RNLS: variants seen among roughly 807,000 people sequenced by gnomAD.
The protein encoded by RNLS is renalase, FAD dependent amine oxidase, also known as renalase.
In RNLS, 39 loss-of-function variants were observed where a neutral mutation model predicts 39.8. That is an observed-to-expected ratio of 0.98 (90% CI 0.76 to 1.28). The LOEUF (loss-of-function observed/expected upper bound fraction) is 1.28. Among genes scored for constraint, RNLS ranks in the 50% most tolerant of loss-of-function variants. The pLI is 0.00. For synonymous variants in RNLS, 147 were observed against 150.7 expected, an observed-to-expected ratio of 0.98 and a Z score of 0.18; for missense variants, 410 against 413.3, an observed-to-expected ratio of 0.99 and a Z score of 0.07.
At chr10:88,243,831 T>G in the RNLS span, among the ~76,000 whole-genome samples, 3 of 152,230 alleles carry the variant, frequency 2.0e-5, no homozygotes, top group Non-Finnish European at 4.4e-5. Flanking sequence ...GAAAGTCATT[T>G]TGTTTCTCCT....
At chr10:88,473,910 C>T (rs186248557) in intron 4 of RNLS, among the ~76,000 whole-genome samples, 132 of 152,178 alleles carry the variant, frequency 8.7e-4, no homozygotes, top group African/African-American at 2.9e-3. Flanking sequence ...GTCTTTTCTG[C>T]TCCTGGTTGT....
intron 5 of RNLS, among the ~76,000 whole-genome samples, chr10:88,348,056 A>G (rs1848429659): frequency 6.6e-6 from 1 of 152,098 alleles, no homozygotes; most frequent in Non-Finnish European, 1.5e-5. Context: ...GGAGGTCTGA[A>G]AGACTGCGCC....
intron 4 of RNLS, among the ~76,000 whole-genome samples, chr10:88,508,386 T>C (rs566243997): frequency 3.3e-5 from 5 of 152,278 alleles, no homozygotes; most frequent in African/African-American, 1.2e-4. Flanking sequence ...TTTTCTACCA[T>C]GTGGATATGT....
rs542314911 is a variant in RNLS, at chr10:88,301,771, G to A, written c.876+12695C>T. ...TAATGACTAAGTGTCATAGTCCCTG[G>A]CATTGAATTGGTCCTATCCAGACTA... is the stretch of plus-strand genomic sequence containing the variant. On this transcript the variant is annotated intron_variant, in intron 6 of 6. Transcript: ENST00000331772. Among the ~76,000 whole-genome samples the A allele has an allele frequency of 2.5e-4, 38 of 152,224 alleles. 1 individual carries two copies. In the South Asian group the frequency reaches 5.6e-3, roughly 22 times the overall value.
Position 88,466,710 on chromosome 10 carries a change from T to C in RNLS, c.527-103985A>G, listed in dbSNP as rs182274577. Among the ~76,000 whole-genome samples the C allele has an allele frequency of 2.3e-3, 345 of 152,266 alleles. 1 individual carries two copies. The highest frequency in any genetic ancestry group is 4.4e-3 in the Non-Finnish European group (301 of 68,008). ...ATTGAGTTGTGACCCCAAAAGTGTA[T>C]TTTTTAAATTCAAAGAGTCCTCCAA... is the stretch of plus-strand genomic sequence containing the variant. On this transcript the variant is annotated intron_variant, in intron 4 of 6. Coordinates refer to ENST00000331772, the MANE Select transcript of RNLS (RefSeq NM_001031709.3).
intron 4 of RNLS, among the ~76,000 whole-genome samples, chr10:88,455,265 A>G (rs1026690563): frequency 2.6e-4 from 9 of 34,734 alleles, no homozygotes; most frequent in Non-Finnish European, 4.3e-4. Context: ...AAGTAAAGGG[A>G]AAAAAAAATC....
chr10:88,391,159 A>G (rs1020567949), intron 4 of RNLS, among the ~76,000 whole-genome samples: 10 of 152,308 alleles, frequency 6.6e-5, no homozygotes, highest in Non-Finnish European at 1.2e-4. Flanking sequence ...GGTGTGTCTG[A>G]TTATGTCTTC....
chr10:88,492,946 T>C (rs1844967770), intron 4 of RNLS, among the ~76,000 whole-genome samples: 3 of 152,178 alleles, frequency 2.0e-5, no homozygotes, highest in South Asian at 2.1e-4. Context: ...GAACATGAAA[T>C]TTTTAATATT....
At chr10:88,402,559 C>T (rs1481850304) in intron 4 of RNLS, among the ~76,000 whole-genome samples, 1 of 151,706 alleles carries the variant, frequency 6.6e-6, no homozygotes, top group African/African-American at 2.4e-5. Context: ...GGCAAAAAGA[C>T]CAAGTCATTT....
chr10:88,195,713 G>C, the RNLS span, among the ~76,000 whole-genome samples: 1 of 152,170 alleles, frequency 6.6e-6, no homozygotes, highest in Non-Finnish European at 1.5e-5. Flanking sequence ...TGTGGAGCTT[G>C]CCTAAATAGA....
chr10:88,380,470 G>T (rs1851375941), intron 4 of RNLS, among the ~76,000 whole-genome samples: 1 of 149,296 alleles, frequency 6.7e-6, no homozygotes, highest in South Asian at 2.1e-4. Flanking sequence ...CTGCCTCCCG[G>T]GTTCATGCTG....
intron 6 of RNLS, among the ~76,000 whole-genome samples, chr10:88,312,946 T>C (rs1722760747): frequency 6.6e-6 from 1 of 152,188 alleles, no homozygotes; most frequent in African/African-American, 2.4e-5. Context: ...ATATGCAAAC[T>C]TCTAAGTCTG....
At chr10:88,338,730 G>C (rs1847688626) in intron 5 of RNLS, among the ~76,000 whole-genome samples, 1 of 149,654 alleles carries the variant, frequency 6.7e-6, no homozygotes, top group South Asian at 2.1e-4. Context: ...CACTCATCAT[G>C]TGAGTGACAG....
At chr10:88,183,699 T>C in the RNLS span, among the ~76,000 whole-genome samples, 1 of 152,158 alleles carries the variant, frequency 6.6e-6, no homozygotes, top group Non-Finnish European at 1.5e-5. Flanking sequence ...AATGCATTAG[T>C]GCTATAGGGA....
At chr10:88,285,939 C>A (rs1031339524) in intron 6 of RNLS, among the ~76,000 whole-genome samples, 1 of 151,956 alleles carries the variant, frequency 6.6e-6, no homozygotes, top group Non-Finnish European at 1.5e-5. Flanking sequence ...ATAAAACAGG[C>A]CCAAGGAAGC....
chr10:88,515,054 T>C (rs552274735), intron 4 of RNLS, among the ~76,000 whole-genome samples: 1 of 147,836 alleles, frequency 6.8e-6, no homozygotes, highest in Admixed American at 7.1e-5. Flanking sequence ...TTTTAAATAA[T>C]GGCTACATTT....
chr10:88,470,647 G>T (rs896428336), intron 4 of RNLS, among the ~76,000 whole-genome samples: 1 of 136,350 alleles, frequency 7.3e-6, no homozygotes, highest in African/African-American at 2.8e-5. Flanking sequence ...ACAGAGTCTC[G>T]CTCTGTTGCC....
chr10:88,407,932 T>A (rs190846088), intron 4 of RNLS, among the ~76,000 whole-genome samples: 1 of 152,264 alleles, frequency 6.6e-6, no homozygotes, highest in African/African-American at 2.4e-5. Flanking sequence ...AAACTTTGAC[T>A]CTGCTGTCCT....
At chr10:88,559,302 T>C (rs1030851945) in intron 4 of RNLS, among the ~76,000 whole-genome samples, 9 of 152,170 alleles carry the variant, frequency 5.9e-5, no homozygotes, top group Non-Finnish European at 8.8e-5. Flanking sequence ...TTTCTCAAAG[T>C]CTTAAGAGTG....
Sources: allele counts gnomAD v4.1 joint callset (sites outside exome capture counted in the v4.1 genomes callset), GRCh38; gene constraint gnomAD v4.1.1; transcripts MANE v1.5; gene names NCBI Gene and HGNC (gene_info 2026-07-23, HGNC 2026-07-21).